TINAG: variants seen among roughly 807,000 people sequenced by gnomAD.
TINAG encodes tubulointerstitial nephritis antigen.
A neutral mutation model predicts 72.7 loss-of-function variants in TINAG; 83 were observed. That is an observed-to-expected ratio of 1.14 (90% CI 0.96 to 1.37). TINAG has a LOEUF of 1.37. TINAG is among the 40% of genes most tolerant of loss of function. TINAG has a pLI of 0.00. For missense variants in TINAG, 685 were observed against 576.6 expected, an observed-to-expected ratio of 1.19 and a Z score of -1.93; for synonymous variants, 234 against 189.9, an observed-to-expected ratio of 1.23 and a Z score of -1.91.
chr6:54,356,177 A>G (rs973714658), intron 9 of TINAG, among the ~76,000 whole-genome samples: 1 of 151,878 alleles, frequency 6.6e-6, no homozygotes, highest in Non-Finnish European at 1.5e-5. Flanking sequence ...AAAGTGTATC[A>G]TTTTTAATAA....
chr6:54,330,891 C>T (rs528210063), intron 4 of TINAG, among the ~76,000 whole-genome samples: 188 of 152,104 alleles, frequency 1.2e-3, no homozygotes, highest in Non-Finnish European at 2.2e-3. Context: ...ATACACCCTC[C>T]CAGGACTAAA....
intron 9 of TINAG, among the ~76,000 whole-genome samples, chr6:54,375,025 T>A (rs1242079742): frequency 6.6e-6 from 1 of 152,108 alleles, no homozygotes; most frequent in African/African-American, 2.4e-5. Context: ...AAATAGCAAA[T>A]CTTCCAAAAT....
At position 54,347,352 on chromosome 6, in the gene TINAG, T is replaced by C; in HGVS notation, c.749-15T>C. On this transcript the variant is annotated splice_polypyrimidine_tract_variant and intron_variant, in intron 5 of 10. Transcript: ENST00000259782. ...TGTATCATTTCAATATTAATTGATATTCTATTTGAAACAGGTGTGGCTGCT... is the reference window on the plus strand; with the variant it reads ...TGTATCATTTCAATATTAATTGATACTCTATTTGAAACAGGTGTGGCTGCT... 6.2e-7 allele frequency: 1 copy of C among 1,611,076 alleles called. No individual in the cohort carries two copies. The highest frequency in any genetic ancestry group is 8.5e-7 in the Non-Finnish European group (1 of 1,178,468).
At chr6:54,339,793 A>G (rs1032746390) in intron 4 of TINAG, among the ~76,000 whole-genome samples, 1 of 152,182 alleles carries the variant, frequency 6.6e-6, no homozygotes, top group African/African-American at 2.4e-5. Context: ...ATTCATGGCC[A>G]CTGACCTTAG....
intron 7 of TINAG, among the ~76,000 whole-genome samples, chr6:54,351,027 A>G (rs947135533): frequency 6.6e-6 from 1 of 151,938 alleles, no homozygotes; most frequent in African/African-American, 2.4e-5. Context: ...CTAAACAATC[A>G]TTTGGGATAT....
At chr6:54,335,473 G>A (rs1582714181) in intron 4 of TINAG, among the ~76,000 whole-genome samples, 1 of 152,144 alleles carries the variant, frequency 6.6e-6, no homozygotes, top group East Asian at 1.9e-4. Context: ...TGTAAGTCAA[G>A]GAAATGCATC....
At chr6:54,338,762 C>T (rs1409279755) in intron 4 of TINAG, among the ~76,000 whole-genome samples, 1 of 148,522 alleles carries the variant, frequency 6.7e-6, no homozygotes, top group East Asian at 2.0e-4. Context: ...CATTGATCTG[C>T]TTCACAATAA....
chr6:54,364,818 G>A (rs990836902), intron 9 of TINAG, among the ~76,000 whole-genome samples: 1 of 151,124 alleles, frequency 6.6e-6, no homozygotes, highest in Non-Finnish European at 1.5e-5. Context: ...TCTGGTTAAA[G>A]ATATTTGCCC....
intron 4 of TINAG, among the ~76,000 whole-genome samples, chr6:54,332,338 G>A (rs1416326866): frequency 6.6e-6 from 1 of 152,060 alleles, no homozygotes; most frequent in Non-Finnish European, 1.5e-5. Flanking sequence ...TCTGATCTTT[G>A]ACAAACCTGA....
intron 4 of TINAG, among the ~76,000 whole-genome samples, chr6:54,339,795 T>C (rs1234343038): frequency 6.6e-6 from 1 of 152,230 alleles, no homozygotes; most frequent in Non-Finnish European, 1.5e-5. Flanking sequence ...TCATGGCCAC[T>C]GACCTTAGAT....
intron 1 of TINAG, among the ~76,000 whole-genome samples, chr6:54,312,529 A>G (rs570166856): frequency 7.7e-4 from 118 of 152,286 alleles, no homozygotes; most frequent in African/African-American, 2.7e-3. Flanking sequence ...GTAATAAAAC[A>G]TGGGTTTCTA....
intron 9 of TINAG, among the ~76,000 whole-genome samples, chr6:54,361,318 T>C (rs1212168383): frequency 6.6e-6 from 1 of 151,690 alleles, no homozygotes; most frequent in African/African-American, 2.4e-5. Flanking sequence ...GGGTAGTTTA[T>C]AAATAACAGA....
chr6:54,362,611 G>A (rs973004055), intron 9 of TINAG, among the ~76,000 whole-genome samples: 4 of 151,544 alleles, frequency 2.6e-5, no homozygotes, highest in Non-Finnish European at 5.9e-5. Context: ...GCAGCCCATG[G>A]AACAAGAGGT....
intron 3 of TINAG, among the ~76,000 whole-genome samples, chr6:54,325,117 C>A (rs1784574166): frequency 6.6e-6 from 1 of 152,170 alleles, no homozygotes; most frequent in Non-Finnish European, 1.5e-5. Flanking sequence ...GTCTGGTCAC[C>A]AAGGTCATTC....
intron 1 of TINAG, among the ~76,000 whole-genome samples, chr6:54,317,158 T>C (rs1784390449): frequency 1.3e-5 from 2 of 152,154 alleles, no homozygotes; most frequent in Admixed American, 6.6e-5. Context: ...TTACCTTGAA[T>C]TGACTCCCCT....
At chr6:54,376,141 A>T (rs1373442896) in intron 9 of TINAG, among the ~76,000 whole-genome samples, 1 of 152,180 alleles carries the variant, frequency 6.6e-6, no homozygotes, top group Non-Finnish European at 1.5e-5. Context: ...CTCAACTCTG[A>T]ACAAAGTCAT....
At chr6:54,310,255 T>A (rs1784209087) in intron 1 of TINAG, among the ~76,000 whole-genome samples, 1 of 151,916 alleles carries the variant, frequency 6.6e-6, no homozygotes, top group African/African-American at 2.4e-5. Context: ...GCTAATTTTA[T>A]TTTATTTTTT....
intron 4 of TINAG, among the ~76,000 whole-genome samples, chr6:54,330,425 G>T (rs1289659444): frequency 6.6e-6 from 1 of 152,040 alleles, no homozygotes; most frequent in Non-Finnish European, 1.5e-5. Flanking sequence ...AAGACACAAC[G>T]TACCAGAATC....
chr6:54,314,881 T>A (rs892621254), intron 1 of TINAG, among the ~76,000 whole-genome samples: 63 of 152,234 alleles, frequency 4.1e-4, no homozygotes, highest in African/African-American at 1.5e-3. Context: ...CAGGTATAGT[T>A]TTTACTCCAT....
Sources: gnomAD v4.1 joint callset for allele counts (sites outside exome capture counted in the v4.1 genomes callset) on GRCh38, gnomAD v4.1.1 for gene constraint, MANE v1.5 for transcripts, NCBI Gene and HGNC (gene_info 2026-07-23, HGNC 2026-07-21) for gene names.